The following RARB variants were observed in gnomAD, a reference collection of about 807,000 sequenced individuals.
RARB encodes HBV-activated protein.
RARB carries 17 observed loss-of-function variants against 51.9 expected under a neutral mutation model. The ratio of observed to expected loss-of-function variants is 0.33; its 90% confidence interval spans 0.22 to 0.49. The LOEUF is 0.49. Ranked by LOEUF, RARB falls within the 20% of genes least tolerant of loss-of-function variation. The pLI is 0.99. For synonymous variants in RARB, 215 were observed against 195.4 expected (o/e 1.10, Z -0.84); for missense variants, 369 against 550.8 (o/e 0.67, Z 3.30).
At chr3:25,123,695 A>C (rs575576624) in intron 3 of RARB, among the ~76,000 whole-genome samples, 1 of 152,292 alleles carries the variant, frequency 6.6e-6, no homozygotes, top group Non-Finnish European at 1.5e-5. Flanking sequence ...AAGCAGCAGC[A>C]AGGAGCAGCT....
intron 3 of RARB, among the ~76,000 whole-genome samples, chr3:25,537,641 G>C (rs1053620393): frequency 6.6e-6 from 1 of 152,136 alleles, no homozygotes; most frequent in Non-Finnish European, 1.5e-5. Flanking sequence ...TATTTCTGCA[G>C]CTCCCTTTTA....
At chr3:25,310,713 C>G (rs1704267923) in intron 5 of RARB, among the ~76,000 whole-genome samples, 1 of 152,102 alleles carries the variant, frequency 6.6e-6, no homozygotes, top group South Asian at 2.1e-4. Flanking sequence ...TTTTCTTTAC[C>G]CCTCTCTGTT....
At chr3:25,464,838 G>C (rs1489507836) in intron 2 of RARB, among the ~76,000 whole-genome samples, 4 of 152,060 alleles carry the variant, frequency 2.6e-5, no homozygotes, top group African/African-American at 9.7e-5. Flanking sequence ...ATGGAATTTT[G>C]TGTTGTATAC....
intron 3 of RARB, among the ~76,000 whole-genome samples, chr3:25,123,035 T>C (rs1426934581): frequency 1.3e-5 from 2 of 152,202 alleles, no homozygotes; most frequent in Non-Finnish European, 2.9e-5. Flanking sequence ...ACTGCTGTTC[T>C]GATGAATGGC....
In RARB at chr3:24,898,195, C is replaced by T. The variant is rs565912976; in HGVS notation, c.-380+39443C>T. ...CACTGCTGTGACTGATGCTTCATCA[C>T]GTGATTAGGGCATTGCTTTCTCTCA... On this transcript the variant is annotated intron_variant, in intron 2 of 11. Coordinates refer to the RARB transcript ENST00000383772. 5.9e-5 allele frequency among the ~76,000 whole-genome samples: 9 copies of T among 152,106 alleles called. No individual in the cohort carries two copies. The South Asian group carries it at 8.3e-4, about 14-fold the overall frequency.
chr3:25,500,125 A>G (rs929623769), intron 2 of RARB, among the ~76,000 whole-genome samples: 8 of 152,220 alleles, frequency 5.3e-5, no homozygotes, highest in African/African-American at 1.9e-4. Context: ...GGTGTTTAAT[A>G]TGGTAGCTAT....
chr3:25,346,700 G>A (rs577804539), intron 5 of RARB, among the ~76,000 whole-genome samples: 2 of 152,310 alleles, frequency 1.3e-5, no homozygotes, highest in South Asian at 4.1e-4. Context: ...AGGATGTTTT[G>A]ACATAGCTGT....
chr3:24,924,898 A>C (rs541134721), intron 2 of RARB, among the ~76,000 whole-genome samples: 1 of 152,226 alleles, frequency 6.6e-6, no homozygotes, highest in South Asian at 2.1e-4. Context: ...AATAGATTTG[A>C]ATTGCTTAAG....
chr3:25,108,934 T>G (rs1375592187), intron 3 of RARB, among the ~76,000 whole-genome samples: 1 of 152,190 alleles, frequency 6.6e-6, no homozygotes, highest in Non-Finnish European at 1.5e-5. Context: ...TGTATAAAAT[T>G]AGCATGCAAA....
chr3:25,162,389 A>G (rs1425860449), intron 4 of RARB, among the ~76,000 whole-genome samples: 6 of 152,184 alleles, frequency 3.9e-5, no homozygotes, highest in Non-Finnish European at 7.3e-5. Flanking sequence ...GATTATAGGC[A>G]CAAACCACAC....
intron 5 of RARB, among the ~76,000 whole-genome samples, chr3:25,178,803 T>C (rs1184539613): frequency 6.6e-6 from 1 of 152,182 alleles, no homozygotes; most frequent in Non-Finnish European, 1.5e-5. Flanking sequence ...GAGCCTGATA[T>C]GCTATGCCAG....
chr3:25,305,453 T>G (rs539360339), intron 5 of RARB, among the ~76,000 whole-genome samples: 2 of 152,184 alleles, frequency 1.3e-5, no homozygotes, highest in Non-Finnish European at 2.9e-5. Flanking sequence ...AACCACAGTT[T>G]GCTTGTTTAA....
intron 1 of RARB, among the ~76,000 whole-genome samples, chr3:24,851,197 G>A (rs908071236): frequency 3.9e-5 from 6 of 152,118 alleles, no homozygotes; most frequent in Admixed American, 1.3e-4. Flanking sequence ...CACTTTGAGA[G>A]GGGGAGAATT....
chr3:25,459,390 G>A (rs7629902), intron 1 of RARB, among the ~76,000 whole-genome samples: 21,685 of 152,224 alleles, frequency 0.14, 1,702 homozygotes, highest in African/African-American at 0.2. Context: ...ACTCACTGAA[G>A]GAAATGATGC....
chr3:25,435,501 C>T (rs1708396851), intron 1 of RARB, among the ~76,000 whole-genome samples: 1 of 152,162 alleles, frequency 6.6e-6, no homozygotes, highest in African/African-American at 2.4e-5. Flanking sequence ...ATTTCAGCTT[C>T]AAAAGATTTT....
intron 3 of RARB, among the ~76,000 whole-genome samples, chr3:25,126,548 G>A (rs769023388): frequency 1.3e-5 from 2 of 151,980 alleles, no homozygotes; most frequent in Non-Finnish European, 2.9e-5. Flanking sequence ...CTTTGCACCT[G>A]CATTTCAAAC....
chr3:25,329,653 G>A (rs1195980906), intron 5 of RARB, among the ~76,000 whole-genome samples: 1 of 152,194 alleles, frequency 6.6e-6, no homozygotes, highest in East Asian at 1.9e-4. Context: ...AAAGCTGGAT[G>A]GAGAATGACT....
intron 5 of RARB, among the ~76,000 whole-genome samples, chr3:25,292,716 A>G (rs529510683): frequency 2.0e-5 from 3 of 152,178 alleles, no homozygotes; most frequent in South Asian, 4.2e-4. Context: ...TCCCTTTGAT[A>G]TGGTCAGCTG....
intron 2 of RARB, among the ~76,000 whole-genome samples, chr3:24,879,978 G>A (rs943091462): frequency 1.5e-5 from 2 of 135,470 alleles, no homozygotes; most frequent in Non-Finnish European, 3.1e-5. Context: ...ACAAAGTCAC[G>A]AAAACTGAAG....
Sources: allele counts gnomAD v4.1 joint callset (sites outside exome capture counted in the v4.1 genomes callset), GRCh38; gene constraint gnomAD v4.1.1; transcripts MANE v1.5; gene names NCBI Gene and HGNC (gene_info 2026-07-23, HGNC 2026-07-21).